Variants in TAFA2 observed in about 807,000 individuals in gnomAD.
TAFA2 encodes the protein TAFA chemokine like family member 2, also known as chemokine-like protein TAFA-2.
Under a neutral mutation model 18.8 loss-of-function variants are expected in TAFA2, and 7 were observed. The ratio of observed to expected loss-of-function variants is 0.37; its 90% CI spans 0.21 to 0.70. The LOEUF (loss-of-function observed/expected upper bound fraction) is 0.70, where lower values mean the gene tolerates loss of function less well. Ranked by LOEUF, TAFA2 falls within the 30% of genes least tolerant of loss-of-function variation. The probability of loss-of-function intolerance (pLI) is 0.53; values close to 1 mark genes in which losing one functional copy is unlikely to be tolerated. For missense variants in TAFA2, 122 were observed against 158.1 expected, an observed-to-expected ratio of 0.77 and a Z score of 1.23; for synonymous variants, 60 against 54.2, an observed-to-expected ratio of 1.11 and a Z score of -0.47.
chr12:61,772,667 T>C lies in TAFA2; in HGVS notation c.107-17643A>G, dbSNP rs556946639. 2.6e-5 allele frequency among the ~76,000 whole-genome samples: 4 copies of C among 152,044 alleles called. No individual in the cohort carries two copies. The East Asian group carries it at 7.7e-4, about 29-fold the overall frequency. On this transcript the variant is annotated intron_variant, in intron 2 of 4. Coordinates refer to ENST00000416284, the MANE Select transcript of TAFA2 (RefSeq NM_178539.5). ...ATTTGACAAAATCTGGCATCCTTTATGATTAAAACCCTCAGCAAAATCAGC... is the reference window on the plus strand; with the variant it reads ...ATTTGACAAAATCTGGCATCCTTTACGATTAAAACCCTCAGCAAAATCAGC...
chr12:61,787,764 G>T lies in TAFA2; in HGVS notation c.107-32740C>A, dbSNP rs559483450. On this transcript the variant is annotated intron_variant, in intron 2 of 4. Transcript: ENST00000416284. ...TAACAGAAAATCACCAAACCACAAAGGCAAACAATAAGAGAGGAATAAAAG... is the reference window on the plus strand; with the variant it reads ...TAACAGAAAATCACCAAACCACAAATGCAAACAATAAGAGAGGAATAAAAG... 2.2e-3 allele frequency among the ~76,000 whole-genome samples: 327 copies of T among 151,398 alleles called. 2 individuals carry two copies. Among genetic ancestry groups the T allele is most frequent in the African/African-American group, 7.3e-3 (302 of 41,368 alleles).
intron 1 of TAFA2, among the ~76,000 whole-genome samples, chr12:61,881,562 C>T (rs865956798): frequency 6.6e-6 from 1 of 152,108 alleles, no homozygotes; most frequent in Non-Finnish European, 1.5e-5. Context: ...AAACTGACTA[C>T]AAATATATGA....
intron 2 of TAFA2, among the ~76,000 whole-genome samples, chr12:61,768,533 C>T (rs1869886418): frequency 6.6e-6 from 1 of 152,080 alleles, no homozygotes; most frequent in Non-Finnish European, 1.5e-5. Context: ...GGGGAAGGTC[C>T]ACCTCCAAAC....
intron 1 of TAFA2, among the ~76,000 whole-genome samples, chr12:61,944,204 A>G (rs1878165038): frequency 6.7e-6 from 1 of 148,200 alleles, no homozygotes; most frequent in Non-Finnish European, 1.5e-5. Context: ...CTGAATGACT[A>G]CTGGGTACAT....
chr12:61,749,110 A>T (rs759429079), intron 4 of TAFA2, among the ~76,000 whole-genome samples: 1 of 130,406 alleles, frequency 7.7e-6, no homozygotes, highest in Non-Finnish European at 1.6e-5. Flanking sequence ...TACTAAAAAT[A>T]AAAAAAAAAA....
chr12:61,754,978 T>G lies in TAFA2; in HGVS notation c.153A>C (p.Arg51Ser). The change falls in exon 3 of 5, where the codon AGA becomes AGC. Residue 51 changes from arginine (R) to serine (S), a missense_variant. Arg to Ser is a moderately radical substitution (Grantham distance 110, BLOSUM62 -1). Coordinates refer to ENST00000416284, the MANE Select transcript of TAFA2 (RefSeq NM_178539.5). Reference sequence around the variant, plus strand: ...CTTCTATCTTGTTCTTATTACAGCATCTGTGGAGTGCCACCACCTCACAAG... The same window carrying G: ...CTTCTATCTTGTTCTTATTACAGCAGCTGTGGAGTGCCACCACCTCACAAG... ...TGTCEVVALHRCCNKNKIEER... is the reference protein window; with the variant it reads ...TGTCEVVALHSCCNKNKIEER... 1 of 1,612,988 alleles carries G rather than the reference T, an allele frequency of 6.2e-7. No individual in the cohort carries two copies.
chr12:62,044,749 G>T (rs983477206), intron 1 of TAFA2, among the ~76,000 whole-genome samples: 2 of 152,080 alleles, frequency 1.3e-5, no homozygotes, highest in Admixed American at 1.3e-4. Flanking sequence ...TTATCTTTCT[G>T]CCTTTTTAGG....
chr12:61,831,865 G>A (rs1324189522), intron 2 of TAFA2, among the ~76,000 whole-genome samples: 5 of 151,664 alleles, frequency 3.3e-5, no homozygotes, highest in African/African-American at 9.7e-5. Flanking sequence ...GCTACCCCAC[G>A]ACAGGCCCCG....
chr12:61,983,081 C>T (rs1565704986), intron 1 of TAFA2, among the ~76,000 whole-genome samples: 1 of 152,046 alleles, frequency 6.6e-6, no homozygotes, highest in African/African-American at 2.4e-5. Flanking sequence ...GGAAATAAAA[C>T]ATGCTATGGT....
chr12:61,981,719 C>A (rs1879642537), intron 1 of TAFA2, among the ~76,000 whole-genome samples: 1 of 152,216 alleles, frequency 6.6e-6, no homozygotes. Flanking sequence ...TGCTTATCAT[C>A]ACTGGTCATC....
At chr12:62,119,833 G>A (rs921137419) in intron 1 of TAFA2, among the ~76,000 whole-genome samples, 1 of 152,050 alleles carries the variant, frequency 6.6e-6, no homozygotes, top group Non-Finnish European at 1.5e-5. Context: ...CAGCATTTTG[G>A]GAGGCCGAGA....
At chr12:61,715,934 T>G (rs984667494) in intron 4 of TAFA2, among the ~76,000 whole-genome samples, 1 of 151,388 alleles carries the variant, frequency 6.6e-6, no homozygotes, top group Admixed American at 6.6e-5. Flanking sequence ...ATTGTAAAAA[T>G]AAAAATTAAG....
At chr12:61,854,998 G>A (rs1468410708) in intron 2 of TAFA2, among the ~76,000 whole-genome samples, 1 of 152,132 alleles carries the variant, frequency 6.6e-6, no homozygotes, top group African/African-American at 2.4e-5. Flanking sequence ...AGATGCAGAG[G>A]AAAACCAATC....
At position 62,207,828 on chromosome 12, in the gene TAFA2, G is replaced by T. The variant is rs549251654; in HGVS notation, c.-130+50935C>A. 8.7e-4 allele frequency among the ~76,000 whole-genome samples: 133 copies of T among 152,296 alleles called. 2 individuals are homozygous for T. Among genetic ancestry groups the T allele is most frequent in the African/African-American group, 3.0e-3 (124 of 41,566 alleles). ...ATTTTCCCCAAGGTGTGCCCACATT[G>T]CCAGAGTATCTAGGTATGAAAGAGA... On this transcript the variant is annotated intron_variant, in intron 1 of 5. Coordinates refer to the TAFA2 transcript ENST00000551619.
chr12:61,810,133 A>C (rs1161527127), intron 2 of TAFA2, among the ~76,000 whole-genome samples: 1 of 151,448 alleles, frequency 6.6e-6, no homozygotes, highest in Non-Finnish European at 1.5e-5. Flanking sequence ...TATAATTTAC[A>C]GTTTTCCCAA....
intron 4 of TAFA2, among the ~76,000 whole-genome samples, chr12:61,717,139 T>C (rs1869695084): frequency 6.6e-6 from 1 of 152,236 alleles, no homozygotes; most frequent in African/African-American, 2.4e-5. Context: ...TAAAACATCA[T>C]TACTCTGCAG....
chr12:61,949,901 C>A (rs1366026831), intron 1 of TAFA2, among the ~76,000 whole-genome samples: 2 of 152,082 alleles, frequency 1.3e-5, no homozygotes, highest in East Asian at 3.9e-4. Flanking sequence ...AAACTCCATA[C>A]CTAGTAATCA....
At chr12:61,933,904 G>T (rs576260429) in intron 1 of TAFA2, among the ~76,000 whole-genome samples, 7 of 152,302 alleles carry the variant, frequency 4.6e-5, no homozygotes, top group Non-Finnish European at 1.0e-4. Flanking sequence ...CCTGTTAAGT[G>T]GTAAAAGCAG....
intron 1 of TAFA2, among the ~76,000 whole-genome samples, chr12:62,182,194 C>T (rs2062557173): frequency 6.6e-6 from 1 of 152,106 alleles, no homozygotes; most frequent in South Asian, 2.1e-4. Context: ...TCTCTTCAAA[C>T]TGTAGGATGT....
Sources: gnomAD v4.1 joint callset for allele counts (sites outside exome capture counted in the v4.1 genomes callset) on GRCh38, gnomAD v4.1.1 for gene constraint, MANE v1.5 for transcripts, NCBI Gene and HGNC (gene_info 2026-07-23, HGNC 2026-07-21) for gene names.